Variants in SLC9A2 observed in about 807,000 individuals in gnomAD.
The protein encoded by SLC9A2 is solute carrier family 9 member A2, also known as sodium/hydrogen exchanger 2.
SLC9A2 carries 42 observed loss-of-function variants against 71.7 expected under a neutral mutation model. The observed-to-expected ratio is 0.59, with a 90% CI of 0.46 to 0.76. SLC9A2 has a LOEUF of 0.76. Among genes scored for constraint, SLC9A2 ranks in the 30% least tolerant of loss-of-function variants. SLC9A2 has a pLI of 0.00. For missense variants in SLC9A2, 829 were observed against 1,017.4 expected (o/e 0.81, Z 2.52); for synonymous variants, 396 against 392.5 (o/e 1.01, Z -0.10).
intron 5 of SLC9A2, among the ~76,000 whole-genome samples, chr2:102,688,858 A>G (rs1184404500): frequency 6.6e-6 from 1 of 152,256 alleles, no homozygotes; most frequent in African/African-American, 2.4e-5. Context: ...GTTAATCCCT[A>G]TAATAAAAAG....
At chr2:102,686,963 A>G (rs149248536) in intron 5 of SLC9A2, among the ~76,000 whole-genome samples, 72 of 152,316 alleles carry the variant, frequency 4.7e-4, no homozygotes, top group African/African-American at 1.5e-3. Flanking sequence ...TATTAGCCGA[A>G]TTTGGTATTG....
Position 102,620,063 on chromosome 2 carries a change from C to T in SLC9A2, c.215C>T (p.Thr72Met), listed in dbSNP as rs747383702. The change falls in exon 1 of 12, where the codon ACG becomes ATG. Residue 72 changes from threonine to methionine, a missense_variant. By Grantham distance (81) the Thr-to-Met change is moderately conservative. Coordinates refer to ENST00000233969, the MANE Select transcript of SLC9A2 (RefSeq NM_003048.6). ...LFEESRLPVF[T>M]LDYPHVQIPF... is the part of the protein sequence containing the mutation. ...GAGGAGAGCCGGCTGCCTGTGTTTA[C>T]GCTGGATTACCCCCACGTGCAGATC... 4.3e-6 allele frequency: 7 copies of T among 1,614,064 alleles called. No individual in the cohort carries two copies. The highest frequency in any genetic ancestry group is 3.3e-5 in the Admixed American group (2 of 60,022).
At chr2:102,704,769 G>C (rs546504830) in intron 10 of SLC9A2, 94 bp downstream of exon 10, 2 of 1,387,362 alleles carry the variant, frequency 1.4e-6, no homozygotes, top group Non-Finnish European at 2.0e-6. Flanking sequence ...TGCAGATCAA[G>C]TGGCTGTTGA....
At chr2:102,651,708 C>A (rs1323039336) in intron 1 of SLC9A2, among the ~76,000 whole-genome samples, 1 of 152,226 alleles carries the variant, frequency 6.6e-6, no homozygotes, top group Non-Finnish European at 1.5e-5. Flanking sequence ...ATTTCCCACA[C>A]TAGCCTGCAG....
intron 3 of SLC9A2, among the ~76,000 whole-genome samples, chr2:102,681,866 G>A (rs1677457811): frequency 6.6e-6 from 1 of 152,186 alleles, no homozygotes; most frequent in Non-Finnish European, 1.5e-5. Context: ...CAACAGATAT[G>A]TTACTTGCAA....
chr2:102,678,437 T>C (rs1028914623), intron 3 of SLC9A2, among the ~76,000 whole-genome samples: 5 of 151,828 alleles, frequency 3.3e-5, no homozygotes, highest in African/African-American at 1.2e-4. Flanking sequence ...TGAAGGCCAA[T>C]AGTTTTATTT....
At position 102,708,534 on chromosome 2, in the gene SLC9A2, G is replaced by A. The variant is rs1449178381; in HGVS notation, c.*45G>A. 6.4e-7 allele frequency: 1 copy of A among 1,573,142 alleles called. No homozygotes were observed. The highest frequency in any genetic ancestry group is 1.2e-5 in the South Asian group (1 of 83,598). ...TCTGAGTGTCTGACCCAGGACAGCT[G>A]TGGTTTGTCACTCTGAAACCTGATG... On this transcript the variant is annotated 3_prime_UTR_variant, in exon 12 of 12. Transcript: ENST00000233969.
intron 3 of SLC9A2, among the ~76,000 whole-genome samples, chr2:102,666,128 A>T (rs993104090): frequency 6.0e-5 from 8 of 134,106 alleles, no homozygotes; most frequent in Non-Finnish European, 1.2e-4. Context: ...TTGATTTGGG[A>T]TAACAGCTTA....
intron 3 of SLC9A2, among the ~76,000 whole-genome samples, chr2:102,673,458 G>A (rs1400110048): frequency 2.0e-5 from 3 of 152,020 alleles, no homozygotes; most frequent in Non-Finnish European, 4.4e-5. Context: ...GAGGTATATT[G>A]GGAATCTTTT....
chr2:102,683,590 T>A, intron 4 of SLC9A2, 112 bp downstream of exon 4: 1 of 782,062 alleles, frequency 1.3e-6, no homozygotes, highest in South Asian at 1.8e-5. Context: ...TCTGCTTAAT[T>A]TCTTCTTCTT....
chr2:102,690,286 G>A (rs759031223), intron 5 of SLC9A2, among the ~76,000 whole-genome samples: 1 of 152,166 alleles, frequency 6.6e-6, no homozygotes, highest in Non-Finnish European at 1.5e-5. Context: ...TGTGAGTGGA[G>A]AGTGCAGTCT....
chr2:102,647,495 C>A (rs993827082), intron 1 of SLC9A2, among the ~76,000 whole-genome samples: 4 of 152,088 alleles, frequency 2.6e-5, no homozygotes, highest in Non-Finnish European at 5.9e-5. Flanking sequence ...TAACTAATAT[C>A]AGAGCAGAAC....
rs1379688833 is a variant in SLC9A2, at chr2:102,631,995, G to GAGAT, written c.289+11859_289+11860insGATA. On this transcript the variant is annotated intron_variant, in intron 1 of 11. Transcript: ENST00000233969. ...CTTCCATTTAATTAATGAAAGTGGG[G>GAGAT]ATATATATATATATATATATATATA... is the stretch of plus-strand genomic sequence containing the variant. Among the ~76,000 whole-genome samples, 102 of 43,242 alleles carry GAGAT rather than the reference G, an allele frequency of 2.4e-3. 4 individuals carry two copies. Among genetic ancestry groups the GAGAT allele is most frequent in the African/African-American group, 7.9e-3 (99 of 12,478 alleles). The allele number at this position is 43,242 out of a possible 152,430, so 28.4% of individuals were successfully genotyped here.
At position 102,708,626 on chromosome 2, in the gene SLC9A2, C is replaced by A; in HGVS notation, c.*137C>A. On this transcript the variant is annotated 3_prime_UTR_variant, in exon 12 of 12. Transcript: ENST00000233969. Reference sequence around the variant, plus strand: ...CTTCTGGAGGGCGACAGATTCATGCCACGGATAAATGAGGCAAATCCGAAG... The same window carrying A: ...CTTCTGGAGGGCGACAGATTCATGCAACGGATAAATGAGGCAAATCCGAAG... 9.6e-7 allele frequency: 1 copy of A among 1,042,108 alleles called. No individual in the cohort carries two copies. Among genetic ancestry groups the A allele is most frequent in the Non-Finnish European group, 1.4e-6 (1 of 726,802 alleles). The allele number at this position is 1,042,108 out of a possible 1,614,324, so 64.6% of individuals were successfully genotyped here. A position where few individuals can be genotyped will look rare whatever the true frequency, so the allele number is the denominator to read the frequency against.
At chr2:102,643,344 C>T (rs1020214081) in intron 1 of SLC9A2, among the ~76,000 whole-genome samples, 5 of 152,174 alleles carry the variant, frequency 3.3e-5, no homozygotes, top group Admixed American at 2.6e-4. Flanking sequence ...ATCTAAACAG[C>T]CCATTCAGAC....
chr2:102,681,979 C>G (rs1423750962), intron 3 of SLC9A2, among the ~76,000 whole-genome samples: 2 of 152,148 alleles, frequency 1.3e-5, no homozygotes, highest in Non-Finnish European at 2.9e-5. Context: ...CTTAAGACAG[C>G]AGAAGTCTTC....
intron 5 of SLC9A2, among the ~76,000 whole-genome samples, chr2:102,689,388 G>T (rs1677616382): frequency 6.6e-6 from 1 of 152,170 alleles, no homozygotes. Context: ...GGCATCCCCT[G>T]CAAGAACATG....
rs1038248144 is a variant in SLC9A2 at position 102,620,095 on chromosome 2, G to A, written c.247G>A (p.Glu83Lys). ...TTACCCCCACGTGCAGATCCCCTTCGAGATCACCCTTTGGATCCTGCTGGC... is the reference window on the plus strand; with the variant it reads ...TTACCCCCACGTGCAGATCCCCTTCAAGATCACCCTTTGGATCCTGCTGGC... ...LDYPHVQIPF[E>K]ITLWILLASL... Residue 83 changes from glutamate to lysine, a missense_variant, in exon 1 of 12, where the codon GAG (glutamate) becomes AAG (lysine). By Grantham distance (56) the Glu-to-Lys change is moderately conservative (BLOSUM62 1). This residue lies in a region of SLC9A2 where 500 missense variants were observed against 726.3 expected (regional missense o/e 0.69). Coordinates refer to ENST00000233969, the MANE Select transcript of SLC9A2 (RefSeq NM_003048.6). The A allele has an allele frequency of 3.1e-6, 5 of 1,613,142 alleles. No individual in the cohort carries two copies. Among genetic ancestry groups the A allele is most frequent in the South Asian group, 1.1e-5 (1 of 90,962 alleles).
intron 7 of SLC9A2, among the ~76,000 whole-genome samples, chr2:102,700,514 G>T (rs1677852897): frequency 6.6e-6 from 1 of 152,150 alleles, no homozygotes; most frequent in Admixed American, 6.5e-5. Context: ...ACAAGTGAGG[G>T]CAGGAAAGAT....
Sources: gnomAD v4.1 joint callset for allele counts (sites outside exome capture counted in the v4.1 genomes callset) on GRCh38, gnomAD v4.1.1 for gene constraint, gnomAD v4.1.1 regional missense constraint, MANE v1.5 for transcripts, NCBI Gene and HGNC (gene_info 2026-07-23, HGNC 2026-07-21) for gene names.